LOXL3: variants seen among roughly 807,000 people sequenced by gnomAD.
LOXL3 encodes lysyl oxidase like 3.
Under a neutral mutation model 91.8 loss-of-function variants are expected in LOXL3, and 60 were observed. That is an observed-to-expected ratio of 0.65 (90% CI 0.53 to 0.81). The LOEUF (loss-of-function observed/expected upper bound fraction) is 0.81, where lower values mean the gene tolerates loss of function less well. Among genes scored for constraint, LOXL3 ranks in the 30% least tolerant of loss-of-function variants. LOXL3 has a pLI of 0.00. For missense variants in LOXL3, 874 were observed against 1,000.4 expected, an observed-to-expected ratio of 0.87 and a Z score of 1.70; for synonymous variants, 355 against 387.6, an observed-to-expected ratio of 0.92 and a Z score of 0.99.
chr2:74,533,453 G>A lies in LOXL3; in HGVS notation c.*153C>T, dbSNP rs923782913. ...TACTGACAGCTGGCCTCTGAAGGAG[G>A]GTGAAAACTTCTGCTTGACAGTTCC... On this transcript the variant is annotated 3_prime_UTR_variant, in exon 14 of 14. Coordinates refer to ENST00000264094, the MANE Select transcript of LOXL3 (RefSeq NM_032603.5). 3.1e-6 allele frequency: 2 copies of A among 651,072 alleles called. No homozygotes were observed. Among genetic ancestry groups the A allele is most frequent in the African/African-American group, 3.6e-5 (2 of 55,358 alleles). The allele number at this position is 651,072 out of a possible 1,614,324, so 40.3% of individuals were successfully genotyped here. A position where few individuals can be genotyped will look rare whatever the true frequency, so the allele number is the denominator to read the frequency against.
chr2:74,555,139 T>A (rs182270753), upstream of LOXL3: 641 of 1,601,994 alleles, frequency 4.0e-4, 1 homozygote, highest in African/African-American at 8.0e-3. This position sits in a 1 kb window ranked among gnomAD's most constrained non-coding sequence, Gnocchi z 6.1. Flanking sequence ...TCGAGCACTC[T>A]CTCTCTCTCC....
In LOXL3 at chr2:74,534,780, C is replaced by T. The variant is rs377184480; in HGVS notation, c.1580-6G>A. The stretch of plus-strand genomic sequence containing the variant: ...CAGCAACAGATCTGATGCAGCTGCA[C>T]CAAGAAAGGAAGGGGGTGTTAGAAG... On this transcript the variant is annotated splice_region_variant and splice_polypyrimidine_tract_variant and intron_variant, in intron 9 of 13. Transcript: ENST00000264094. The T allele has an allele frequency of 8.7e-6, 14 of 1,608,096 alleles. No homozygotes were observed. Among genetic ancestry groups the T allele is most frequent in the African/African-American group, 1.3e-5 (1 of 74,760 alleles).
chr2:74,550,274 C>T lies in LOXL3; in HGVS notation c.388G>A (p.Gly130Arg). The T allele has an allele frequency of 6.2e-7, 1 of 1,614,176 alleles. No individual in the cohort carries two copies. The highest frequency in any genetic ancestry group is 1.3e-5 in the African/African-American group (1 of 75,034). The change falls in exon 3 of 14, where the codon GGG (glycine) becomes AGG (arginine). Residue 130 changes from glycine to arginine, a missense_variant. By Grantham distance (125) the Gly-to-Arg change is moderately radical (BLOSUM62 -2). Transcript: ENST00000264094. ...TCATCGTGCGTACAGTCACTGTTCC[C>T]CCAGCCCCGGGAGGCACATTCAGTC... is the stretch of plus-strand genomic sequence containing the variant. ...SVTECASRGWGNSDCTHDEDA... is the reference protein window; with the variant it reads ...SVTECASRGWRNSDCTHDEDA...
chr2:74,549,695 G>C lies in LOXL3; in HGVS notation c.478-112C>G. The C allele has an allele frequency of 6.9e-7, 1 of 1,450,786 alleles. No individual in the cohort carries two copies. Among genetic ancestry groups the C allele is most frequent in the Non-Finnish European group, 9.1e-7 (1 of 1,098,184 alleles). The allele number at this position is 1,450,786 out of a possible 1,614,324, so 89.9% of individuals were successfully genotyped here. ...CTGCTGTAAACCCAGTGGCGGGATGGGCCCGAGGCGGCGCTGAGAGAGCGG... is the reference window on the plus strand; with the variant it reads ...CTGCTGTAAACCCAGTGGCGGGATGCGCCCGAGGCGGCGCTGAGAGAGCGG... On this transcript the variant is annotated intron_variant, in intron 3 of 13. Transcript: ENST00000264094. This position sits in a 1 kb window ranked among gnomAD's most constrained non-coding sequence, Gnocchi z 5.3.
chr2:74,536,601 G>C lies in LOXL3; in HGVS notation c.912+108C>G, dbSNP rs1676037658. The stretch of plus-strand genomic sequence containing the variant: ...TATCAGGTCTGTGGCCCACCCCCTG[G>C]AAGGCTCCTCTCTGTCCTCAAAGGT... On this transcript the variant is annotated intron_variant, in intron 5 of 13. Coordinates refer to ENST00000264094, the MANE Select transcript of LOXL3 (RefSeq NM_032603.5). The surrounding 1 kb of genome is among the most constrained non-coding windows in gnomAD (Gnocchi z 4.5). 4.1e-6 allele frequency: 6 copies of C among 1,458,648 alleles called. No homozygotes were observed. Among genetic ancestry groups the C allele is most frequent in the Non-Finnish European group, 5.7e-6 (6 of 1,060,964 alleles). The allele number at this position is 1,458,648 out of a possible 1,614,324, so 90.4% of individuals were successfully genotyped here. A position where few individuals can be genotyped will look rare whatever the true frequency, so the allele number is the denominator to read the frequency against.
rs1195873134 is a variant in LOXL3, at chr2:74,550,317, A to G, written c.345T>C (p.Ser115=). The change falls in exon 3 of 14, where the codon AGT becomes AGC. Residue 115 remains serine (S), a synonymous_variant. Coordinates refer to ENST00000264094, the MANE Select transcript of LOXL3 (RefSeq NM_032603.5). ...ATTCAGTCACACTCTGCTCGGTCCCACTGCAGCTCAAGTTGTCCAGCCAGA... is the reference window on the plus strand; with the variant it reads ...ATTCAGTCACACTCTGCTCGGTCCCGCTGCAGCTCAAGTTGTCCAGCCAGA... ...GRIWLDNLSC[S]GTEQSVTECA... 1.9e-6 allele frequency: 3 copies of G among 1,613,914 alleles called. No homozygotes were observed. The highest frequency in any genetic ancestry group is 1.7e-5 in the Admixed American group (1 of 59,974).
Position 74,536,245 on chromosome 2 carries a change from A to G in LOXL3, c.1093+46T>C, listed in dbSNP as rs769803197. On this transcript the variant is annotated intron_variant, in intron 6 of 13. Transcript: ENST00000264094. The surrounding 1 kb of genome is among the most constrained non-coding windows in gnomAD (Gnocchi z 4.5). ...CTTCCGAAGGAATATGCCCCCCAGG[A>G]GCATGTACCTCCTTCCCTCTCCCTC... The G allele has an allele frequency of 1.4e-5, 22 of 1,611,386 alleles. No individual in the cohort carries two copies. The South Asian group carries it at 2.2e-4, about 16-fold the overall frequency.
chr2:74,543,300 G>A (rs1676421650), intron 4 of LOXL3, among the ~76,000 whole-genome samples: 1 of 151,974 alleles, frequency 6.6e-6, no homozygotes, highest in African/African-American at 2.4e-5. Context: ...ACTTCATATA[G>A]GGCCCTCTAT....
chr2:74,541,097 C>T (rs373887152), intron 4 of LOXL3, among the ~76,000 whole-genome samples: 3 of 152,180 alleles, frequency 2.0e-5, no homozygotes, highest in Non-Finnish European at 2.9e-5. Context: ...GTACTGAACA[C>T]GTACCAACTT....
chr2:74,555,268 C>T, upstream of LOXL3: 1 of 1,614,028 alleles, frequency 6.2e-7, no homozygotes, highest in Non-Finnish European at 8.5e-7. This position sits in a 1 kb window ranked among gnomAD's most constrained non-coding sequence, Gnocchi z 6.1. Flanking sequence ...GAGCTCGCGC[C>T]GCCTGGACTG....
intron 13 of LOXL3, 94 bp downstream of exon 13, chr2:74,533,788 G>A (rs999688931): frequency 7.0e-7 from 1 of 1,423,220 alleles, no homozygotes; most frequent in Admixed American, 1.7e-5. Context: ...TCTACAGGAA[G>A]GTGGGAAGAT....
At chr2:74,546,897 G>A (rs1190224140) in intron 4 of LOXL3, among the ~76,000 whole-genome samples, 1 of 151,968 alleles carries the variant, frequency 6.6e-6, no homozygotes, top group African/African-American at 2.4e-5. Flanking sequence ...TGTATTTTTA[G>A]TAGAGATGGG....
chr2:74,537,027 C>T, intron 4 of LOXL3, 99 bp from the exon 5 acceptor site: 1 of 892,218 alleles, frequency 1.1e-6, no homozygotes, highest in Non-Finnish European at 1.8e-6. Flanking sequence ...ATGCCCCCCA[C>T]CCTTTTGTGA....
chr2:74,555,417 A>G (rs1404246132), upstream of LOXL3: 55 of 1,611,132 alleles, frequency 3.4e-5, no homozygotes, highest in Non-Finnish European at 4.7e-5. This position sits in a 1 kb window ranked among gnomAD's most constrained non-coding sequence, Gnocchi z 6.1. Context: ...CGTCCAGTGC[A>G]GCCTGGGTGC....
rs1296117039 is a variant in LOXL3, at chr2:74,550,193, C to T, written c.469G>A (p.Val157Ile). The change falls in exon 3 of 14, where the codon GTC (valine) becomes ATC (isoleucine). Residue 157 changes from valine to isoleucine, a missense_variant. Transcript: ENST00000264094. The part of the protein sequence containing the change: ...QRLPGFSDSN[V>I]IEVEHHLQVE... The stretch of plus-strand genomic sequence containing the variant: ...GTCTAGGAAATGCAGACCTCAATGA[C>T]ATTGGAGTCCGAGAAGCCAGGGAGG... The T allele has an allele frequency of 1.2e-6, 2 of 1,613,298 alleles. No individual in the cohort carries two copies. The highest frequency in any genetic ancestry group is 1.7e-6 in the Non-Finnish European group (2 of 1,179,490).
At position 74,534,545 on chromosome 2, in the gene LOXL3, C is replaced by G. The variant is rs779944234; in HGVS notation, c.1809G>C (p.Trp603Cys). ...RPKAGRHSWV[W>C]HECHGHYHSM... is the part of the protein sequence containing the mutation. Reference sequence around the variant, plus strand: ...TACCCTCTCACCCATGGCACTCGTGCCACACCCAGGAGTGGCGCCCAGCCT... The same window carrying G: ...TACCCTCTCACCCATGGCACTCGTGGCACACCCAGGAGTGGCGCCCAGCCT... Residue 603 changes from tryptophan (W) to cysteine (C), a missense_variant, in exon 10 of 14, where the codon TGG (tryptophan) becomes TGC (cysteine). Transcript: ENST00000264094. The G allele has an allele frequency of 6.2e-7, 1 of 1,614,174 alleles. No individual in the cohort carries two copies. Among genetic ancestry groups the G allele is most frequent in the Admixed American group, 1.7e-5 (1 of 60,020 alleles).
chr2:74,555,125 C>G, upstream of LOXL3: 1 of 1,589,222 alleles, frequency 6.3e-7, no homozygotes, highest in South Asian at 1.1e-5. The surrounding 1 kb of genome is among the most constrained non-coding windows in gnomAD (Gnocchi z 6.1). Flanking sequence ...CACGCCACTC[C>G]CTCTCGAGCA....
chr2:74,536,178 G>A lies in LOXL3; in HGVS notation c.1094-28C>T. 6.2e-7 allele frequency: 1 copy of A among 1,612,644 alleles called. No individual in the cohort carries two copies. Among genetic ancestry groups the A allele is most frequent in the Non-Finnish European group, 8.5e-7 (1 of 1,180,010 alleles). ...AGGGCCAGATGGCAAAGATCAGGAA[G>A]TTGTAATTAAGCATATATTGTCTGC... On this transcript the variant is annotated intron_variant, in intron 6 of 13. Transcript: ENST00000264094. This position sits in a 1 kb window ranked among gnomAD's most constrained non-coding sequence, Gnocchi z 4.5.
At position 74,536,726 on chromosome 2, in the gene LOXL3, A is replaced by T; in HGVS notation, c.895T>A (p.Ser299Thr). The change falls in exon 5 of 14, where the codon TCG becomes ACG. Residue 299 changes from serine to threonine, a missense_variant. Coordinates refer to ENST00000264094, the MANE Select transcript of LOXL3 (RefSeq NM_032603.5). This position sits in a 1 kb window ranked among gnomAD's most constrained non-coding sequence, Gnocchi z 4.5. ...TCACACACCTCCCCCTGAGGCTTCG[A>T]CTGTTGTTGCTTCTTCTGGCCACTG... ...ASSGQKKQQQ[S>T]KPQGEARVRL... The T allele has an allele frequency of 6.2e-7, 1 of 1,614,086 alleles. No homozygotes were observed. Among genetic ancestry groups the T allele is most frequent in the Non-Finnish European group, 8.5e-7 (1 of 1,179,994 alleles).
Sources: gnomAD v4.1 joint callset for allele counts (sites outside exome capture counted in the v4.1 genomes callset) on GRCh38, gnomAD v4.1.1 for gene constraint, Gnocchi (gnomAD v3.1) non-coding constraint, MANE v1.5 for transcripts, NCBI Gene and HGNC (gene_info 2026-07-23, HGNC 2026-07-21) for gene names.